The following SLC23A2 variants were observed in gnomAD, a reference collection of about 807,000 sequenced individuals.
The protein encoded by SLC23A2 is solute carrier family 23 member 2, also known as Na(+)/L-ascorbic acid transporter 2.
In SLC23A2, 36 loss-of-function variants were observed where a neutral mutation model predicts 73.3. The observed-to-expected ratio is 0.49, with a 90% CI of 0.38 to 0.65. The LOEUF (loss-of-function observed/expected upper bound fraction) is 0.65. Among genes scored for constraint, SLC23A2 ranks in the 30% least tolerant of loss-of-function variants. The pLI, the probability that SLC23A2 is intolerant of heterozygous loss-of-function variation, is 0.00. For missense variants in SLC23A2, 507 were observed against 841.6 expected, an observed-to-expected ratio of 0.60 and a Z score of 4.92; for synonymous variants, 343 against 327.3, an observed-to-expected ratio of 1.05 and a Z score of -0.52.
intron 13 of SLC23A2, 74 bp downstream of exon 13, chr20:4,867,696 G>A (rs1930261378): frequency 1.0e-5 from 7 of 698,344 alleles, no homozygotes; most frequent in Non-Finnish European, 9.4e-6. Flanking sequence ...TTTGGAACTT[G>A]CAGTGGCCAG....
intron 1 of SLC23A2, among the ~76,000 whole-genome samples, chr20:4,981,053 A>C (rs928750950): frequency 7.9e-5 from 12 of 152,194 alleles, no homozygotes; most frequent in Non-Finnish European, 1.6e-4. Flanking sequence ...GACAGTTCCT[A>C]AAATAGCTGT....
intron 1 of SLC23A2, among the ~76,000 whole-genome samples, chr20:4,973,951 G>A (rs1395693246): frequency 6.6e-6 from 1 of 152,092 alleles, no homozygotes. Flanking sequence ...CAAAAAACTG[G>A]GGAAGAAATA....
At chr20:4,911,548 T>C (rs923692722) in intron 4 of SLC23A2, among the ~76,000 whole-genome samples, 1 of 152,226 alleles carries the variant, frequency 6.6e-6, no homozygotes, top group Admixed American at 6.5e-5. Context: ...GTTATTAGAA[T>C]ACATAGTATA....
chr20:4,912,740 A>G, intron 4 of SLC23A2, 140 bp downstream of exon 4: 4 of 656,044 alleles, frequency 6.1e-6, no homozygotes, highest in Non-Finnish European at 8.2e-6. Context: ...TGAAGAGAAC[A>G]CAGCCCCTTG....
At position 4,961,362 on chromosome 20, in the gene SLC23A2, G is replaced by C. The variant is rs557751495; in HGVS notation, c.-155+9431C>G. Among the ~76,000 whole-genome samples, 7 of 151,984 alleles carry C rather than the reference G, an allele frequency of 4.6e-5. No individual in the cohort carries two copies. The East Asian group carries it at 1.4e-3, about 29-fold the overall frequency. On this transcript the variant is annotated intron_variant, in intron 2 of 16. Coordinates refer to ENST00000338244, the MANE Select transcript of SLC23A2 (RefSeq NM_005116.6). ...CTCCCAAAGTGCTGGGATTACAGGC[G>C]TGAGCCACCACGCCTGGCCTATCTA... is the stretch of plus-strand genomic sequence containing the variant.
chr20:4,981,228 T>C (rs1435634149), intron 1 of SLC23A2, among the ~76,000 whole-genome samples: 1 of 152,196 alleles, frequency 6.6e-6, no homozygotes, highest in Non-Finnish European at 1.5e-5. Context: ...AGCATAATCA[T>C]TCAATTTCTC....
At chr20:4,903,196 A>C (rs1931816701) in intron 4 of SLC23A2, among the ~76,000 whole-genome samples, 1 of 152,208 alleles carries the variant, frequency 6.6e-6, no homozygotes, top group African/African-American at 2.4e-5. Flanking sequence ...TTTTCTCCTA[A>C]CACTAGTAAA....
chr20:4,885,017 A>T (rs981086353), intron 7 of SLC23A2, among the ~76,000 whole-genome samples, 194 bp from the exon 8 acceptor site: 2 of 152,230 alleles, frequency 1.3e-5, no homozygotes, highest in East Asian at 3.8e-4. Context: ...TAACCAAATG[A>T]ATTCATCGAC....
chr20:4,971,538 T>C (rs572342473), intron 1 of SLC23A2, among the ~76,000 whole-genome samples: 2 of 147,960 alleles, frequency 1.4e-5, no homozygotes, highest in Non-Finnish European at 3.0e-5. Flanking sequence ...TTCACACCTG[T>C]AGGGAGGCTG....
intron 2 of SLC23A2, among the ~76,000 whole-genome samples, chr20:4,968,082 A>AT (rs913226519): frequency 3.3e-5 from 5 of 152,208 alleles, no homozygotes; most frequent in Admixed American, 2.0e-4. Flanking sequence ...GAGATACATT[A>AT]TGCTGAGGCT....
intron 2 of SLC23A2, among the ~76,000 whole-genome samples, chr20:4,968,327 C>T (rs990249537): frequency 6.6e-6 from 1 of 152,160 alleles, no homozygotes; most frequent in African/African-American, 2.4e-5. Flanking sequence ...GGGCGCTGAA[C>T]ACAACAGCCT....
intron 1 of SLC23A2, among the ~76,000 whole-genome samples, chr20:4,975,458 G>A (rs375758181): frequency 6.6e-6 from 1 of 152,046 alleles, no homozygotes; most frequent in East Asian, 1.9e-4. Flanking sequence ...TTGGCTCACT[G>A]CAAACTCCAC....
chr20:4,900,454 T>C (rs892378153), intron 5 of SLC23A2, among the ~76,000 whole-genome samples: 21 of 152,222 alleles, frequency 1.4e-4, no homozygotes, highest in East Asian at 1.9e-4. Context: ...AGTCATACTG[T>C]ATTTTTCTTC....
rs1600181462 is a variant in SLC23A2, at chr20:4,965,578, C to A, written c.-155+5215G>T. 2.0e-5 allele frequency among the ~76,000 whole-genome samples: 3 copies of A among 152,008 alleles called. 1 individual carries two copies. In the South Asian group the frequency reaches 6.2e-4, roughly 32 times the overall value. ...CTTGAGCCCAGAAGTTCGAGACCAG[C>A]CTGGGTAACACAGCAAAACCCCGTC... On this transcript the variant is annotated intron_variant, in intron 2 of 16. Coordinates refer to ENST00000338244, the MANE Select transcript of SLC23A2 (RefSeq NM_005116.6).
intron 1 of SLC23A2, among the ~76,000 whole-genome samples, chr20:4,981,004 A>T (rs571306668): frequency 4.1e-4 from 63 of 152,326 alleles, no homozygotes; most frequent in Non-Finnish European, 1.9e-4. Flanking sequence ...ATAGCTTCAT[A>T]TACATCAACA....
chr20:4,871,174 G>A (rs1052882705), intron 11 of SLC23A2, among the ~76,000 whole-genome samples: 4 of 152,174 alleles, frequency 2.6e-5, no homozygotes, highest in Admixed American at 6.5e-5. Context: ...AGCACAGTGG[G>A]AAAAGAACGA....
intron 6 of SLC23A2, among the ~76,000 whole-genome samples, chr20:4,889,906 G>A (rs1931261819): frequency 6.6e-6 from 1 of 152,190 alleles, no homozygotes; most frequent in South Asian, 2.1e-4. Flanking sequence ...ACATTTGGAA[G>A]AGAGTGGTGA....
At position 4,863,070 on chromosome 20, in the gene SLC23A2, G is replaced by A. The variant is rs1330208116; in HGVS notation, c.1357-163C>T. 6.6e-6 allele frequency among the ~76,000 whole-genome samples: 1 copy of A among 152,108 alleles called. No homozygotes were observed. The highest frequency in any genetic ancestry group is 1.5e-5 in the Non-Finnish European group (1 of 68,022). On this transcript the variant is annotated intron_variant, in intron 13 of 16. Coordinates refer to ENST00000338244, the MANE Select transcript of SLC23A2 (RefSeq NM_005116.6). This position sits in a 1 kb window ranked among gnomAD's most constrained non-coding sequence, Gnocchi z 4.8. ...CTCCACTGTGGGGACCCTGAGGGCC[G>A]CCCTCTGCATCTCCAAGCCTTGGTG... is the stretch of plus-strand genomic sequence containing the variant.
rs536003717 is a variant in SLC23A2 at position 4,927,922 on chromosome 20, C to T, written c.108+4533G>A. Among the ~76,000 whole-genome samples the T allele has an allele frequency of 3.9e-5, 6 of 152,284 alleles. No homozygotes were observed. The South Asian group carries it at 6.2e-4, about 16-fold the overall frequency. On this transcript the variant is annotated intron_variant, in intron 3 of 16. Transcript: ENST00000338244. ...GAAGCGACCCACTGTAACTTAGTCC[C>T]CTCACTTTTTCCCTGTCAATGGGCA...
Sources: gnomAD v4.1 joint callset for allele counts (sites outside exome capture counted in the v4.1 genomes callset) on GRCh38, gnomAD v4.1.1 for gene constraint, Gnocchi (gnomAD v3.1) non-coding constraint, MANE v1.5 for transcripts, NCBI Gene and HGNC (gene_info 2026-07-23, HGNC 2026-07-21) for gene names.